The following CACNA1E variants were observed in gnomAD, a reference collection of about 807,000 sequenced individuals.
The protein encoded by CACNA1E is voltage-dependent R-type calcium channel subunit alpha-1E.
In CACNA1E, 40 loss-of-function variants were observed where a neutral mutation model predicts 259.2. That is an observed-to-expected ratio of 0.15 (90% CI 0.12 to 0.20). The LOEUF (loss-of-function observed/expected upper bound fraction) is 0.20. CACNA1E is among the 10% of genes least tolerant of loss of function. The pLI is 1.00. For synonymous variants in CACNA1E, 1,104 were observed against 1,138.5 expected, an observed-to-expected ratio of 0.97 and a Z score of 0.61; for missense variants, 1,874 against 3,040.1, an observed-to-expected ratio of 0.62 and a Z score of 9.02.
At chr1:181,347,798 G>T (rs968281912) in intron 1 of CACNA1E, among the ~76,000 whole-genome samples, 2 of 152,256 alleles carry the variant, frequency 1.3e-5, no homozygotes, top group Admixed American at 1.3e-4. Context: ...TCACCACGAG[G>T]AGTTTTTCTG....
intron 6 of CACNA1E, among the ~76,000 whole-genome samples, chr1:181,612,798 G>C (rs1418320067): frequency 6.6e-6 from 1 of 152,164 alleles, no homozygotes; most frequent in Non-Finnish European, 1.5e-5. Context: ...ACATATAACT[G>C]TCAGGTTGAC....
chr1:181,474,667 G>A (rs1166154790), intron 2 of CACNA1E, among the ~76,000 whole-genome samples: 1 of 152,152 alleles, frequency 6.6e-6, no homozygotes, highest in Non-Finnish European at 1.5e-5. Context: ...AATTAATACT[G>A]TAGTTGATAT....
chr1:181,391,943 CTCTGTG>C (rs752197131), intron 1 of CACNA1E, among the ~76,000 whole-genome samples: 6,843 of 124,590 alleles, frequency 0.055, 229 homozygotes, highest in African/African-American at 0.13. Flanking sequence ...CTCTCTCTCT[CTCTGTG>C]TGTGTGTGTG....
chr1:181,382,797 C>A (rs973158419), intron 1 of CACNA1E, among the ~76,000 whole-genome samples: 2 of 152,192 alleles, frequency 1.3e-5, no homozygotes, highest in African/African-American at 4.8e-5. Flanking sequence ...TTTAGCTCAG[C>A]CCATTGCTCA....
At chr1:181,493,828 C>T (rs1424405709) in intron 1 of CACNA1E, among the ~76,000 whole-genome samples, 1 of 152,224 alleles carries the variant, frequency 6.6e-6, no homozygotes, top group Non-Finnish European at 1.5e-5. Context: ...AGCTTAAGCT[C>T]CCCTTTGGTT....
At chr1:181,679,837 G>C (rs955638481) in intron 7 of CACNA1E, among the ~76,000 whole-genome samples, 1 of 152,142 alleles carries the variant, frequency 6.6e-6, no homozygotes, top group Admixed American at 6.5e-5. Flanking sequence ...GGGTGAGGCT[G>C]ATCTTCTAAA....
chr1:181,462,560 A>T (rs914509431), intron 2 of CACNA1E, among the ~76,000 whole-genome samples: 2 of 152,208 alleles, frequency 1.3e-5, no homozygotes, highest in Non-Finnish European at 2.9e-5. Flanking sequence ...TATTTGCTTC[A>T]TCCCTCTCCC....
chr1:181,668,219 G>A (rs575587885), intron 7 of CACNA1E, among the ~76,000 whole-genome samples: 5 of 152,326 alleles, frequency 3.3e-5, no homozygotes, highest in African/African-American at 1.2e-4. Context: ...TTTCAAGAAT[G>A]TTAAATAAAT....
chr1:181,753,363 G>C (rs1424269648), intron 27 of CACNA1E, among the ~76,000 whole-genome samples: 2 of 152,194 alleles, frequency 1.3e-5, no homozygotes, highest in African/African-American at 2.4e-5. Flanking sequence ...GGCTTCCCAG[G>C]TGACTCTTAG....
intron 1 of CACNA1E, among the ~76,000 whole-genome samples, chr1:181,508,188 C>A (rs1489431638): frequency 7.5e-6 from 1 of 133,942 alleles, no homozygotes; most frequent in African/African-American, 2.8e-5. Context: ...GGGGTGTGTG[C>A]CCACTGTATG....
At chr1:181,526,512 A>T (rs1330819077) in intron 3 of CACNA1E, among the ~76,000 whole-genome samples, 1 of 151,590 alleles carries the variant, frequency 6.6e-6, no homozygotes, top group African/African-American at 2.4e-5. Context: ...GGAATATAAA[A>T]CTCACTACTT....
At chr1:181,669,773 G>T (rs980191054) in intron 7 of CACNA1E, among the ~76,000 whole-genome samples, 13 of 152,276 alleles carry the variant, frequency 8.5e-5, no homozygotes, top group African/African-American at 2.6e-4. Flanking sequence ...TTTTCAGTGT[G>T]CATAATTCCC....
chr1:181,467,221 C>T (rs1485367186), intron 2 of CACNA1E, among the ~76,000 whole-genome samples: 4 of 152,172 alleles, frequency 2.6e-5, no homozygotes, highest in African/African-American at 9.7e-5. Context: ...CTAGTGAAGA[C>T]AAATTCTAGA....
intron 7 of CACNA1E, among the ~76,000 whole-genome samples, chr1:181,697,388 A>G (rs1332287473): frequency 1.3e-5 from 2 of 152,254 alleles, no homozygotes; most frequent in Non-Finnish European, 2.9e-5. Context: ...AAAGTGAGCT[A>G]GTATCAGGTA....
rs1241846421 is a variant in CACNA1E, at chr1:181,496,230, C to G, written c.266+12220C>G. 3.3e-5 allele frequency among the ~76,000 whole-genome samples: 5 copies of G among 152,268 alleles called. No individual in the cohort carries two copies. The East Asian group carries it at 9.6e-4, about 29-fold the overall frequency. On this transcript the variant is annotated intron_variant, in intron 1 of 47. Coordinates refer to ENST00000367573, the MANE Select transcript of CACNA1E (RefSeq NM_001205293.3). ...GTACCTAAGGACATATTTGGATTTA[C>G]AATCAGAAAAAATATCTTCAGGAGC...
chr1:181,673,617 A>G (rs1416763674), intron 7 of CACNA1E, among the ~76,000 whole-genome samples: 1 of 152,168 alleles, frequency 6.6e-6, no homozygotes, highest in Non-Finnish European at 1.5e-5. Context: ...TGAGCCGGAG[A>G]GCAGATGGTC....
chr1:181,346,869 C>A (rs1299580894), intron 1 of CACNA1E, among the ~76,000 whole-genome samples: 4 of 152,096 alleles, frequency 2.6e-5, no homozygotes, highest in Non-Finnish European at 4.4e-5. Context: ...CTGCTTGGAC[C>A]ATAAGGAAGT....
Position 181,732,660 on chromosome 1 carries a change from G to C in CACNA1E, c.2574G>C (p.Gly858=), listed in dbSNP as rs755792935. 8 of 1,517,526 alleles carry C rather than the reference G, an allele frequency of 5.3e-6. No individual in the cohort carries two copies. The highest frequency in any genetic ancestry group is 4.5e-5 in the Admixed American group (2 of 43,974). 94.0% of individuals were successfully genotyped at this position (1,517,526 alleles called of 1,614,324 possible). ...TCAGCCGTGGGGGGTCCCTCAAGGG[G>C]GATGGAGGGGACCGATCCAGTGCCC... ...ERISRGGSLK[G]DGGDRSSALD... Residue 858 remains glycine, a synonymous_variant, in exon 20 of 48, where the codon GGG becomes GGC. Transcript: ENST00000367573. This position sits in a 1 kb window ranked among gnomAD's most constrained non-coding sequence, Gnocchi z 5.5.
chr1:181,361,316 G>C (rs971100741), intron 1 of CACNA1E, among the ~76,000 whole-genome samples: 1 of 151,968 alleles, frequency 6.6e-6, no homozygotes, highest in African/African-American at 2.4e-5. Flanking sequence ...ATGGAGGTGG[G>C]CTTGGAAGTA....
Sources: allele counts gnomAD v4.1 joint callset (sites outside exome capture counted in the v4.1 genomes callset), GRCh38; gene constraint gnomAD v4.1.1; non-coding constraint Gnocchi (gnomAD v3.1); transcripts MANE v1.5; gene names NCBI Gene and HGNC (gene_info 2026-07-23, HGNC 2026-07-21).